MTMR12: variants seen among roughly 807,000 people sequenced by gnomAD.
MTMR12 encodes myotubularin-related protein 12.
Under a neutral mutation model 96.7 loss-of-function variants are expected in MTMR12, and 33 were observed. The ratio of observed to expected loss-of-function variants is 0.34; its 90% confidence interval spans 0.26 to 0.46. The LOEUF is 0.46. Ranked by LOEUF, MTMR12 falls within the 20% of genes least tolerant of loss-of-function variation. The pLI, the probability that MTMR12 is intolerant of heterozygous loss-of-function variation, is 1.00. For missense variants in MTMR12, 721 were observed against 896.1 expected, an observed-to-expected ratio of 0.80 and a Z score of 2.49; for synonymous variants, 298 against 327.2, an observed-to-expected ratio of 0.91 and a Z score of 0.96.
chr5:32,269,375 T>C (rs115245069), intron 5 of MTMR12, among the ~76,000 whole-genome samples: 4,665 of 151,596 alleles, frequency 0.031, 242 homozygotes, highest in African/African-American at 0.11. Flanking sequence ...ACTCTTGTTG[T>C]TCATTGCAAC....
chr5:32,240,008 A>G (rs867942954), intron 12 of MTMR12, among the ~76,000 whole-genome samples: 1 of 152,038 alleles, frequency 6.6e-6, no homozygotes, highest in South Asian at 2.1e-4. Context: ...CTACATCCCC[A>G]TAGTTTCCCT....
chr5:32,244,820 A>G (rs1748616365), intron 10 of MTMR12, among the ~76,000 whole-genome samples: 1 of 152,238 alleles, frequency 6.6e-6, no homozygotes, highest in African/African-American at 2.4e-5. Flanking sequence ...CATAGTTAAT[A>G]TATACAAGGG....
chr5:32,242,568 C>T (rs891184312), intron 11 of MTMR12, among the ~76,000 whole-genome samples: 2 of 151,960 alleles, frequency 1.3e-5, no homozygotes, highest in East Asian at 1.9e-4. Context: ...TCTCTCTACA[C>T]GTTATTCCCT....
At chr5:32,251,542 A>C (rs1026486442) in intron 8 of MTMR12, among the ~76,000 whole-genome samples, 2 of 152,330 alleles carry the variant, frequency 1.3e-5, no homozygotes, top group Non-Finnish European at 2.9e-5. Context: ...AAATGTCCAC[A>C]GTGTGTGGGG....
chr5:32,300,531 C>T (rs1347416593), intron 1 of MTMR12, among the ~76,000 whole-genome samples: 1 of 152,112 alleles, frequency 6.6e-6, no homozygotes. Flanking sequence ...ACAGAGACAG[C>T]CACACCCTCA....
chr5:32,248,410 T>C (rs997019329), intron 9 of MTMR12, among the ~76,000 whole-genome samples: 1 of 150,564 alleles, frequency 6.6e-6, no homozygotes, highest in Admixed American at 6.6e-5. Flanking sequence ...TTTTTTGTTT[T>C]AAATTCATCT....
rs915653666 is a variant in MTMR12, at chr5:32,312,148, G to A, written c.81+610C>T. Among the ~76,000 whole-genome samples the A allele has an allele frequency of 3.3e-5, 5 of 152,212 alleles. No homozygotes were observed. Among genetic ancestry groups the A allele is most frequent in the Non-Finnish European group, 7.3e-5 (5 of 68,028 alleles). On this transcript the variant is annotated intron_variant, in intron 1 of 15. Coordinates refer to ENST00000382142, the MANE Select transcript of MTMR12 (RefSeq NM_001040446.3). This position sits in a 1 kb window ranked among gnomAD's most constrained non-coding sequence, Gnocchi z 5.0. ...CAGAAGAGTAAGAAGTGGGTGGAAAGGATGATGGTGAGGGGATGAGGAGAA... is the reference window on the plus strand; with the variant it reads ...CAGAAGAGTAAGAAGTGGGTGGAAAAGATGATGGTGAGGGGATGAGGAGAA...
In MTMR12 at chr5:32,312,849, T is replaced by C. The variant is rs758565563; in HGVS notation, c.-11A>G. 9.2e-6 allele frequency: 14 copies of C among 1,520,392 alleles called. No individual in the cohort carries two copies. The highest frequency in any genetic ancestry group is 1.2e-5 in the South Asian group (1 of 83,214). 94.2% of individuals were successfully genotyped at this position (1,520,392 alleles called of 1,614,324 possible). On this transcript the variant is annotated 5_prime_UTR_variant, in exon 1 of 16. Transcript: ENST00000382142. The surrounding 1 kb of genome is among the most constrained non-coding windows in gnomAD (Gnocchi z 5.0). ...TCCTTTCCCCAGCATACCGCCGCCC[T>C]GGGAAGCAGCGACGCGCGGACGCAG...
At chr5:32,274,462 C>G (rs1749971672) in intron 2 of MTMR12, among the ~76,000 whole-genome samples, 1 of 152,140 alleles carries the variant, frequency 6.6e-6, no homozygotes, top group African/African-American at 2.4e-5. Flanking sequence ...ATTACTTTGA[C>G]CCAAGCAGAT....
intron 7 of MTMR12, among the ~76,000 whole-genome samples, chr5:32,262,200 G>C (rs2112057838): frequency 6.6e-6 from 1 of 152,178 alleles, no homozygotes; most frequent in South Asian, 2.1e-4. Context: ...GCCTCAAAAG[G>C]GTAAACACAA....
In MTMR12 at chr5:32,255,749, C is replaced by A. The variant is rs376551744; in HGVS notation, c.733G>T (p.Val245Phe). The A allele has an allele frequency of 6.2e-7, 1 of 1,612,236 alleles. No homozygotes were observed. The highest frequency in any genetic ancestry group is 8.5e-7 in the Non-Finnish European group (1 of 1,179,304). ...TTCTCTTCAGGAAGAGGGGTGGGGA[C>A]AACAAAGTATGCTGGCAATCTAGAA... is the stretch of plus-strand genomic sequence containing the variant. ...VCERLPAYFV[V>F]PTPLPEENVQ... Residue 245 changes from valine (V) to phenylalanine (F), a missense_variant, in exon 8 of 16, where the codon GTC (valine) becomes TTC (phenylalanine). Val to Phe is a conservative substitution (Grantham distance 50). Coordinates refer to ENST00000382142, the MANE Select transcript of MTMR12 (RefSeq NM_001040446.3).
intron 6 of MTMR12, among the ~76,000 whole-genome samples, chr5:32,266,370 G>A (rs1749593794): frequency 6.6e-6 from 1 of 152,152 alleles, no homozygotes; most frequent in Admixed American, 6.5e-5. Context: ...AAAGCCTTAT[G>A]ACAAAGCCTT....
intron 8 of MTMR12, among the ~76,000 whole-genome samples, chr5:32,253,775 C>T (rs1021541144): frequency 3.9e-5 from 6 of 152,226 alleles, no homozygotes; most frequent in African/African-American, 1.4e-4. Flanking sequence ...GCATGTGCCA[C>T]CTTACCAGGC....
chr5:32,271,219 G>C (rs1456410057), intron 4 of MTMR12, among the ~76,000 whole-genome samples: 1 of 152,078 alleles, frequency 6.6e-6, no homozygotes, highest in African/African-American at 2.4e-5. Context: ...GTGGCCCAAA[G>C]AAAACCCACT....
intron 13 of MTMR12, among the ~76,000 whole-genome samples, chr5:32,238,143 C>CAAAAAAAAAAAAAAAAA (rs746835069): frequency 1.7e-5 from 1 of 58,966 alleles, no homozygotes; most frequent in African/African-American, 6.0e-5. Flanking sequence ...GACTCCGTCT[C>CAAAAAAAAAAAAAAAAA]AAAAAAAAAA....
intron 1 of MTMR12, among the ~76,000 whole-genome samples, chr5:32,281,046 G>C (rs1750271623): frequency 6.6e-6 from 1 of 151,834 alleles, no homozygotes; most frequent in Non-Finnish European, 1.5e-5. Flanking sequence ...CCAGGAGTTT[G>C]AGAACAGCCT....
intron 6 of MTMR12, among the ~76,000 whole-genome samples, chr5:32,264,279 T>A (rs766056659): frequency 7.2e-5 from 11 of 152,234 alleles, no homozygotes; most frequent in Middle Eastern, 3.4e-3. Flanking sequence ...ACAAATTCTA[T>A]CACAAATAGT....
In MTMR12 at chr5:32,239,020, C is replaced by T. The variant is rs768895447; in HGVS notation, c.1325G>A (p.Arg442His). 1.6e-5 allele frequency: 26 copies of T among 1,599,112 alleles called. No individual in the cohort carries two copies. Among genetic ancestry groups the T allele is most frequent in the South Asian group, 2.3e-5 (2 of 87,370 alleles). The change falls in exon 13 of 16, where the codon CGC (arginine) becomes CAC (histidine). Residue 442 changes from arginine to histidine, a missense_variant. Physicochemically the swap from Arg to His is conservative, Grantham distance 29 (BLOSUM62 0). Transcript: ENST00000382142. Reference protein sequence around the residue: ...HCFLDRCNHLRQNDKEEVPVF... With the variant: ...HCFLDRCNHLHQNDKEEVPVF... ...ACTCACCTCCTCTTTGTCGTTCTGG[C>T]GGAGATGGTTGCAGCGATCCAAGAA...
chr5:32,227,320 C>T lies in MTMR12; in HGVS notation c.*2458G>A, dbSNP rs1333507672. The T allele has an allele frequency of 6.6e-6, 1 of 152,614 alleles. No individual in the cohort carries two copies. The highest frequency in any genetic ancestry group is 1.5e-5 in the Non-Finnish European group (1 of 68,038). The allele number at this position is 152,614 out of a possible 1,614,324, so 9.5% of individuals were successfully genotyped here. ...TCTCACTGTTAAGCATAATCCACAT[C>T]CCAATCTCAGATAAAAATTTCACAA... On this transcript the variant is annotated 3_prime_UTR_variant, in exon 16 of 16. Transcript: ENST00000382142.
Sources: allele counts gnomAD v4.1 joint callset (sites outside exome capture counted in the v4.1 genomes callset), GRCh38; gene constraint gnomAD v4.1.1; non-coding constraint Gnocchi (gnomAD v3.1); transcripts MANE v1.5; gene names NCBI Gene and HGNC (gene_info 2026-07-23, HGNC 2026-07-21).